SPTB: variants seen among roughly 807,000 people sequenced by gnomAD.
SPTB encodes spectrin beta, erythrocytic.
SPTB carries 45 observed loss-of-function variants against 256.2 expected under a neutral mutation model. That is an observed-to-expected ratio of 0.18 (90% CI 0.14 to 0.23). The LOEUF is 0.23. Among genes scored for constraint, SPTB ranks in the 10% least tolerant of loss-of-function variants. The pLI is 1.00. For synonymous variants in SPTB, 1,231 were observed against 1,243.1 expected, an observed-to-expected ratio of 0.99 and a Z score of 0.21; for missense variants, 2,715 against 3,040.4, an observed-to-expected ratio of 0.89 and a Z score of 2.52.
At chr14:64,849,458 T>A (rs1180883645) in intron 1 of SPTB, among the ~76,000 whole-genome samples, 1 of 152,232 alleles carries the variant, frequency 6.6e-6, no homozygotes, top group Non-Finnish European at 1.5e-5. Flanking sequence ...CAAGAAAAGA[T>A]AGGGACAATG....
intron 2 of SPTB, among the ~76,000 whole-genome samples, chr14:64,811,586 A>C (rs1438190204): frequency 6.6e-6 from 1 of 152,160 alleles, no homozygotes; most frequent in Non-Finnish European, 1.5e-5. Flanking sequence ...AATTAGGGGG[A>C]AAGTATGATG....
At chr14:64,812,716 T>G (rs908014875) in intron 2 of SPTB, among the ~76,000 whole-genome samples, 1 of 152,094 alleles carries the variant, frequency 6.6e-6, no homozygotes, top group Non-Finnish European at 1.5e-5. Context: ...TCTGGGAAGT[T>G]CACCATCAAA....
chr14:64,785,678 T>C lies in SPTB; in HGVS notation c.3765-51A>G. On this transcript the variant is annotated intron_variant, in intron 17 of 35. Coordinates refer to ENST00000644917, the MANE Select transcript of SPTB (RefSeq NM_001355436.2). This position sits in a 1 kb window ranked among gnomAD's most constrained non-coding sequence, Gnocchi z 4.4. Reference sequence around the variant, plus strand: ...CACAATAGTGCCGAGCTTGGGGTCCTCACCAAGCTTGGGGTCCTCACTACC... The same window carrying C: ...CACAATAGTGCCGAGCTTGGGGTCCCCACCAAGCTTGGGGTCCTCACTACC... 6.2e-7 allele frequency: 1 copy of C among 1,611,790 alleles called. No homozygotes were observed. Among genetic ancestry groups the C allele is most frequent in the Non-Finnish European group, 8.5e-7 (1 of 1,177,972 alleles).
Position 64,807,211 on chromosome 14 carries a change from T to C in SPTB, c.149-2121A>G, listed in dbSNP as rs1436362879. On this transcript the variant is annotated intron_variant, in intron 2 of 35. Transcript: ENST00000644917. The surrounding 1 kb of genome is among the most constrained non-coding windows in gnomAD (Gnocchi z 4.7). Reference sequence around the variant, plus strand: ...AGGGGGGTGAAAGTTTTAGCCCCTTTAGAGGTAGGTGTCCCCCAAAGTGAA... The same window carrying C: ...AGGGGGGTGAAAGTTTTAGCCCCTTCAGAGGTAGGTGTCCCCCAAAGTGAA... Among the ~76,000 whole-genome samples the C allele has an allele frequency of 6.6e-6, 1 of 152,230 alleles. No individual in the cohort carries two copies. The highest frequency in any genetic ancestry group is 2.1e-4 in the South Asian group (1 of 4,834).
intron 2 of SPTB, among the ~76,000 whole-genome samples, chr14:64,810,403 G>T (rs1257114760): frequency 6.6e-6 from 1 of 152,192 alleles, no homozygotes; most frequent in African/African-American, 2.4e-5. Flanking sequence ...ATCAGGCTGG[G>T]CGTGGTGGCT....
Position 64,785,841 on chromosome 14 carries a change from G to C in SPTB, c.3672C>G (p.Val1224=). The stretch of plus-strand genomic sequence containing the variant: ...TGTTTCCAGAGTCCACAGGACTCAA[G>C]ACCTTATCCCGGTTGTTCTCCATAG... ...LGSMENNRDK[V]LSPVDSGNKL... is the part of the protein sequence containing the mutation. Residue 1224 remains valine (V), a synonymous_variant, in exon 17 of 36, where the codon GTC becomes GTG. Transcript: ENST00000644917. This position sits in a 1 kb window ranked among gnomAD's most constrained non-coding sequence, Gnocchi z 4.4. 1 of 1,614,088 alleles carries C rather than the reference G, an allele frequency of 6.2e-7. No individual in the cohort carries two copies. The highest frequency in any genetic ancestry group is 8.5e-7 in the Non-Finnish European group (1 of 1,180,022).
Position 64,773,169 on chromosome 14 carries a change from C to T in SPTB, c.5178+51G>A, listed in dbSNP as rs769360581. On this transcript the variant is annotated intron_variant, in intron 25 of 35. Transcript: ENST00000644917. Reference sequence around the variant, plus strand: ...GTGTGTCTTGAGTGACGGCTGGCTGCGTCTACCGCATTAGAGAAAGACAAA... The same window carrying T: ...GTGTGTCTTGAGTGACGGCTGGCTGTGTCTACCGCATTAGAGAAAGACAAA... 5.6e-6 allele frequency: 9 copies of T among 1,608,310 alleles called. No homozygotes were observed. The East Asian group carries it at 6.7e-5, about 12-fold the overall frequency.
chr14:64,779,800 G>C lies in SPTB; in HGVS notation c.4398C>G (p.Pro1466=). ...IEKRFLDLLE[P]LGRRKKQLES... is the part of the protein sequence containing the mutation. The stretch of plus-strand genomic sequence containing the variant: ...CCAGCTGCTTCTTCCTCCTTCCTAG[G>C]GGTTCCAGGAGGTCCAGGAACCGCT... The change falls in exon 21 of 36, where the codon CCC becomes CCG. Residue 1466 remains proline (P), a synonymous_variant. Coordinates refer to ENST00000644917, the MANE Select transcript of SPTB (RefSeq NM_001355436.2). This position sits in a 1 kb window ranked among gnomAD's most constrained non-coding sequence, Gnocchi z 4.2. 1 of 1,613,990 alleles carries C rather than the reference G, an allele frequency of 6.2e-7. No individual in the cohort carries two copies. The highest frequency in any genetic ancestry group is 8.5e-7 in the Non-Finnish European group (1 of 1,179,990).
intron 32 of SPTB, chr14:64,766,482 T>C (rs948530652): frequency 4.2e-6 from 6 of 1,435,552 alleles, no homozygotes; most frequent in African/African-American, 1.4e-5. Flanking sequence ...TAACGTCATG[T>C]CACTGGGCTG....
chr14:64,749,198 A>G lies in SPTB; in HGVS notation c.*108T>C. On this transcript the variant is annotated 3_prime_UTR_variant, in exon 36 of 36. Coordinates refer to ENST00000644917, the MANE Select transcript of SPTB (RefSeq NM_001355436.2). This position sits in a 1 kb window ranked among gnomAD's most constrained non-coding sequence, Gnocchi z 4.7. ...GTGGGGCCCGGGGGCCCGGCCCGCG[A>G]CTCGACTCATCTCGATTCGACCGGC... 1 of 1,381,760 alleles carries G rather than the reference A, an allele frequency of 7.2e-7. No individual in the cohort carries two copies. The highest frequency in any genetic ancestry group is 9.8e-7 in the Non-Finnish European group (1 of 1,016,076). The allele number at this position is 1,381,760 out of a possible 1,614,324, so 85.6% of individuals were successfully genotyped here.
intron 2 of SPTB, among the ~76,000 whole-genome samples, chr14:64,812,886 C>T (rs2083117722): frequency 6.6e-6 from 1 of 152,104 alleles, no homozygotes; most frequent in African/African-American, 2.4e-5. Flanking sequence ...TGTGCCTCTC[C>T]CTCCTTTTCT....
intron 1 of SPTB, among the ~76,000 whole-genome samples, chr14:64,862,166 G>C (rs748096400): frequency 6.6e-6 from 1 of 151,964 alleles, no homozygotes. Flanking sequence ...TTCTTTCTTT[G>C]TACCTCCTCC....
chr14:64,849,675 C>A (rs1288043000), intron 1 of SPTB, among the ~76,000 whole-genome samples: 1 of 152,178 alleles, frequency 6.6e-6, no homozygotes, highest in South Asian at 2.1e-4. Context: ...GAGATGAGGG[C>A]CATTCCTAGT....
At chr14:64,774,751 C>T (rs1403819000) in intron 23 of SPTB, among the ~76,000 whole-genome samples, 1 of 152,164 alleles carries the variant, frequency 6.6e-6, no homozygotes, top group African/African-American at 2.4e-5. Flanking sequence ...CCGACATATA[C>T]CCTTCCTTTT....
intron 2 of SPTB, among the ~76,000 whole-genome samples, chr14:64,809,050 C>T (rs2083039001): frequency 6.6e-6 from 1 of 151,800 alleles, no homozygotes; most frequent in Non-Finnish European, 1.5e-5. Flanking sequence ...TACCTGAGCT[C>T]AGAAGTTTGA....
chr14:64,785,544 C>T lies in SPTB; in HGVS notation c.3848G>A (p.Cys1283Tyr). Residue 1283 changes from cysteine to tyrosine, a missense_variant, in exon 18 of 36, where the codon TGC becomes TAC. By Grantham distance (194) the Cys-to-Tyr change is radical. Transcript: ENST00000644917. The surrounding 1 kb of genome is among the most constrained non-coding windows in gnomAD (Gnocchi z 4.4). ...NLELQNFLQN[C>Y]QELTLWINDK... Reference sequence around the variant, plus strand: ...TCCTTGCTGGAGCCTCACCTCCTGGCAGTTCTGGAGGAAGTTCTGTAGCTC... The same window carrying T: ...TCCTTGCTGGAGCCTCACCTCCTGGTAGTTCTGGAGGAAGTTCTGTAGCTC... The T allele has an allele frequency of 1.2e-6, 2 of 1,612,826 alleles. No homozygotes were observed. Among genetic ancestry groups the T allele is most frequent in the Non-Finnish European group, 1.7e-6 (2 of 1,179,520 alleles).
Position 64,772,403 on chromosome 14 carries a change from T to G in SPTB, c.5553+177A>C, listed in dbSNP as rs1421542518. 2.0e-5 allele frequency among the ~76,000 whole-genome samples: 3 copies of G among 152,192 alleles called. No homozygotes were observed. The highest frequency in any genetic ancestry group is 7.2e-5 in the African/African-American group (3 of 41,454). On this transcript the variant is annotated intron_variant, in intron 26 of 35. Coordinates refer to ENST00000644917, the MANE Select transcript of SPTB (RefSeq NM_001355436.2). This position sits in a 1 kb window ranked among gnomAD's most constrained non-coding sequence, Gnocchi z 5.4. ...TGAGGATTCAGTTTAAAGAATGACT[T>G]CTGAAGCTAAGGAACATCTGAAAGC...
chr14:64,822,869 G>T (rs1424266686), intron 2 of SPTB, 78 bp downstream of exon 2: 6 of 1,587,290 alleles, frequency 3.8e-6, no homozygotes, highest in African/African-American at 2.7e-5. Context: ...ACACACAGAG[G>T]ATTCACACTA....
At chr14:64,800,033 C>T in intron 8 of SPTB, 99 bp from the exon 9 acceptor site, 1 of 1,438,322 alleles carries the variant, frequency 7.0e-7, no homozygotes, top group Non-Finnish European at 9.7e-7. Flanking sequence ...AATGGGGCTC[C>T]CACCTCCTAA....
Sources: allele counts gnomAD v4.1 joint callset (sites outside exome capture counted in the v4.1 genomes callset), GRCh38; gene constraint gnomAD v4.1.1; non-coding constraint Gnocchi (gnomAD v3.1); transcripts MANE v1.5; gene names NCBI Gene and HGNC (gene_info 2026-07-23, HGNC 2026-07-21).